The following PATE4 variants were observed in gnomAD, a reference collection of about 807,000 sequenced individuals.
PATE4 encodes the protein prostate and testis expressed 4, also known as prostate and testis expressed protein 4.
Under a neutral mutation model 8.5 loss-of-function variants are expected in PATE4, and 13 were observed. The ratio of observed to expected loss-of-function variants is 1.53; its 90% confidence interval spans 1.00 to 2.43. The LOEUF is 2.43. PATE4 is among the 30% of genes most tolerant of loss of function. PATE4 has a pLI of 0.00. For missense variants in PATE4, 127 were observed against 115.5 expected (o/e 1.10, Z -0.46); for synonymous variants, 47 against 39.3 (o/e 1.20, Z -0.73).
intron 1 of PATE4, 116 bp from the exon 2 acceptor site, chr11:125,837,752 A>T: frequency 1.6e-6 from 1 of 622,776 alleles, no homozygotes; most frequent in Non-Finnish European, 2.8e-6. Context: ...CACAAATACC[A>T]GCTAATGGAG....
chr11:125,833,441 A>G (rs1163112953), intron 1 of PATE4, 24 bp downstream of exon 1: 1 of 1,545,624 alleles, frequency 6.5e-7, no homozygotes, highest in South Asian at 1.2e-5. Flanking sequence ...ATGGGGGTGG[A>G]GGGAGGCAAC....
intron 1 of PATE4, among the ~76,000 whole-genome samples, chr11:125,833,814 A>G (rs1346749231): frequency 1.3e-5 from 2 of 152,132 alleles, no homozygotes; most frequent in Admixed American, 6.5e-5. Flanking sequence ...GCTTTATACT[A>G]TCCACTCAGA....
intron 1 of PATE4, among the ~76,000 whole-genome samples, chr11:125,834,552 T>C (rs1036187579): frequency 1.3e-5 from 2 of 152,220 alleles, no homozygotes; most frequent in African/African-American, 2.4e-5. Flanking sequence ...ATTAAAGTTG[T>C]GGTGAGACAA....
chr11:125,836,891 CTTCAA>C (rs1277831941), intron 1 of PATE4, among the ~76,000 whole-genome samples: 1 of 152,168 alleles, frequency 6.6e-6, no homozygotes, highest in Admixed American at 6.6e-5. Flanking sequence ...ACTCTCACCA[CTTCAA>C]TTCAACATTG....
chr11:125,837,801 T>A, intron 1 of PATE4, 67 bp from the exon 2 acceptor site: 2 of 1,113,872 alleles, frequency 1.8e-6, no homozygotes, highest in Non-Finnish European at 2.6e-6. Flanking sequence ...CTCTTACTGA[T>A]GCTGAAAACT....
chr11:125,837,411 A>C (rs1213016407), intron 1 of PATE4, among the ~76,000 whole-genome samples: 1 of 152,166 alleles, frequency 6.6e-6, no homozygotes, highest in African/African-American at 2.4e-5. Context: ...GTTCTCCCTC[A>C]CTATGACTAC....
At chr11:125,837,462 T>C (rs1452639451) in intron 1 of PATE4, among the ~76,000 whole-genome samples, 1 of 151,996 alleles carries the variant, frequency 6.6e-6, no homozygotes, top group East Asian at 1.9e-4. Flanking sequence ...TGCCCCCACC[T>C]CCCCAAGTTT....
chr11:125,838,002 A>T lies in PATE4; in HGVS notation c.175+18A>T. ...TTTCAGGGGTAAGTGGGGCTCATGAAGACTCCAAAATTGCCTGCAAAGAAC... is the reference window on the plus strand; with the variant it reads ...TTTCAGGGGTAAGTGGGGCTCATGATGACTCCAAAATTGCCTGCAAAGAAC... On this transcript the variant is annotated intron_variant, in intron 2 of 2. Transcript: ENST00000457514. 2 of 1,527,456 alleles carry T rather than the reference A, an allele frequency of 1.3e-6. No homozygotes were observed. Among genetic ancestry groups the T allele is most frequent in the Non-Finnish European group, 1.8e-6 (2 of 1,125,136 alleles). 94.6% of individuals were successfully genotyped at this position (1,527,456 alleles called of 1,614,324 possible). A position where few individuals can be genotyped will look rare whatever the true frequency, so the allele number is the denominator to read the frequency against.
At chr11:125,834,998 G>C (rs557881758) in intron 1 of PATE4, 1 of 152,204 alleles carries the variant, frequency 6.6e-6, no homozygotes, top group East Asian at 1.9e-4. Flanking sequence ...CCTTTATTTG[G>C]CAGATGAAAA....
intron 1 of PATE4, among the ~76,000 whole-genome samples, chr11:125,834,710 A>G (rs537046458): frequency 1.3e-5 from 2 of 152,308 alleles, no homozygotes; most frequent in South Asian, 4.1e-4. Flanking sequence ...TCCCACACAA[A>G]TGAAATATGT....
At chr11:125,833,669 C>A (rs1191168986) in intron 1 of PATE4, among the ~76,000 whole-genome samples, 1 of 152,074 alleles carries the variant, frequency 6.6e-6, no homozygotes, top group African/African-American at 2.4e-5. Flanking sequence ...CATTTTGGAC[C>A]CTTTCTTTCT....
intron 2 of PATE4, 110 bp from the exon 3 acceptor site, chr11:125,838,196 G>A: frequency 7.9e-7 from 1 of 1,266,028 alleles, no homozygotes; most frequent in South Asian, 1.6e-5. Context: ...GAACCCAGGA[G>A]CCGGGAAGGA....
rs1487035185 is a variant in PATE4, at chr11:125,834,686, T to A, written c.58+1269T>A. 2.6e-5 allele frequency among the ~76,000 whole-genome samples: 4 copies of A among 152,310 alleles called. No individual in the cohort carries two copies. In the East Asian group the frequency reaches 7.7e-4, roughly 29 times the overall value. On this transcript the variant is annotated intron_variant, in intron 1 of 2. Coordinates refer to ENST00000457514, the MANE Select transcript of PATE4 (RefSeq NM_001144874.1). ...CAGCAATTCTGCTTGCATGAAATTA[T>A]CTTATAGATATACTCCCACACAAAT...
Position 125,838,265 on chromosome 11 carries a change from C to T in PATE4, c.176-41C>T, listed in dbSNP as rs183144463. 1,444 of 1,502,936 alleles carry T rather than the reference C, an allele frequency of 9.6e-4. 1 individual carries two copies. Among genetic ancestry groups the T allele is most frequent in the Non-Finnish European group, 1.1e-3 (1,273 of 1,129,342 alleles). The allele number at this position is 1,502,936 out of a possible 1,614,324, so 93.1% of individuals were successfully genotyped here. ...GAGTTTTAGTAAGTCACTAGTAAGG[C>T]AATCTCCTCCAGCATTTATAACAGG... On this transcript the variant is annotated intron_variant, in intron 2 of 2. Transcript: ENST00000457514.
Position 125,838,435 on chromosome 11 carries a change from T to C in PATE4, c.*8T>C. 4 of 1,538,304 alleles carry C rather than the reference T, an allele frequency of 2.6e-6. No individual in the cohort carries two copies. The highest frequency in any genetic ancestry group is 3.5e-6 in the Non-Finnish European group (4 of 1,143,614). On this transcript the variant is annotated 3_prime_UTR_variant, in exon 3 of 3. Coordinates refer to ENST00000457514, the MANE Select transcript of PATE4 (RefSeq NM_001144874.1). ...TTCTGTAATGTCTTCTAATGGAGCT[T>C]AGGAACTTGCAGAGGATCATCTGAT...
At chr11:125,837,744 C>A in intron 1 of PATE4, 124 bp from the exon 2 acceptor site, 2 of 610,536 alleles carry the variant, frequency 3.3e-6, no homozygotes, top group South Asian at 2.7e-5. Flanking sequence ...AGGAATTCCA[C>A]AAATACCAGC....
Position 125,838,482 on chromosome 11 carries a change from A to G in PATE4, c.*55A>G, listed in dbSNP as rs1943936934. ...TGATCAAGATCCAGAATCAAGACCA[A>G]CCAACATGAACTGTTTTATTTCCCA... On this transcript the variant is annotated 3_prime_UTR_variant, in exon 3 of 3. Coordinates refer to ENST00000457514, the MANE Select transcript of PATE4 (RefSeq NM_001144874.1). 2 of 1,491,512 alleles carry G rather than the reference A, an allele frequency of 1.3e-6. 1 individual carries two copies. Among genetic ancestry groups the G allele is most frequent in the South Asian group, 2.7e-5 (2 of 74,360 alleles). 92.4% of individuals were successfully genotyped at this position (1,491,512 alleles called of 1,614,324 possible).
intron 1 of PATE4, among the ~76,000 whole-genome samples, chr11:125,837,123 C>T (rs924051850): frequency 7.2e-5 from 11 of 152,152 alleles, no homozygotes; most frequent in African/African-American, 2.2e-4. Flanking sequence ...AACCTTGGAA[C>T]GTCTGAGATG....
In PATE4 at chr11:125,837,916, G is replaced by A. The variant is rs1349259870; in HGVS notation, c.107G>A (p.Cys36Tyr). 6.4e-7 allele frequency: 1 copy of A among 1,551,636 alleles called. No individual in the cohort carries two copies. Among genetic ancestry groups the A allele is most frequent in the Non-Finnish European group, 8.7e-7 (1 of 1,146,932 alleles). The part of the protein sequence containing the change: ...NTCIYTEGWK[C>Y]MAGRGTCIAK... ...TGCATATACACAGAAGGATGGAAGT[G>A]TATGGCAGGCCGAGGCACTTGCATT... The change falls in exon 2 of 3, where the codon TGT becomes TAT. Residue 36 changes from cysteine (C) to tyrosine (Y), a missense_variant. By Grantham distance (194) the Cys-to-Tyr change is radical. Coordinates refer to ENST00000457514, the MANE Select transcript of PATE4 (RefSeq NM_001144874.1).
Sources: gnomAD v4.1 joint callset for allele counts (sites outside exome capture counted in the v4.1 genomes callset) on GRCh38, gnomAD v4.1.1 for gene constraint, MANE v1.5 for transcripts, NCBI Gene and HGNC (gene_info 2026-07-23, HGNC 2026-07-21) for gene names.